The following CCDC68 variants were observed in gnomAD, a reference collection of about 807,000 sequenced individuals.
CCDC68 encodes the protein coiled-coil domain containing 68.
CCDC68 carries 45 observed loss-of-function variants against 47.1 expected under a neutral mutation model. That is an observed-to-expected ratio of 0.96 (90% CI 0.75 to 1.23). The LOEUF is 1.23. Ranked by LOEUF, CCDC68 falls within the 50% of genes most tolerant of loss-of-function variation. The pLI is 0.00. For missense variants in CCDC68, 353 were observed against 373.6 expected, an observed-to-expected ratio of 0.94 and a Z score of 0.45; for synonymous variants, 131 against 129.5, an observed-to-expected ratio of 1.01 and a Z score of -0.08.
intron 1 of CCDC68, among the ~76,000 whole-genome samples, chr18:54,954,080 T>C (rs1199292569): frequency 7.0e-6 from 1 of 143,538 alleles, no homozygotes; most frequent in Non-Finnish European, 1.5e-5. Context: ...GTTTCAGACA[T>C]AGTCTCACTC....
chr18:54,930,654 C>T (rs1599059589), intron 7 of CCDC68, among the ~76,000 whole-genome samples: 1 of 17,784 alleles, frequency 5.6e-5, no homozygotes, highest in Non-Finnish European at 1.4e-4. Context: ...TCCCTCCCTC[C>T]CTTCCTTCCT....
At chr18:54,915,821 C>T (rs1318801781) in intron 10 of CCDC68, among the ~76,000 whole-genome samples, 4 of 151,884 alleles carry the variant, frequency 2.6e-5, no homozygotes, top group South Asian at 2.1e-4. Flanking sequence ...CCCAGGTACT[C>T]GGGAGGCTGA....
intron 8 of CCDC68, among the ~76,000 whole-genome samples, chr18:54,924,107 T>C (rs1198565172): frequency 6.6e-6 from 1 of 152,196 alleles, no homozygotes; most frequent in Non-Finnish European, 1.5e-5. Context: ...ATGCTCTGCC[T>C]TCCAATGTCT....
intron 8 of CCDC68, among the ~76,000 whole-genome samples, chr18:54,925,096 T>G (rs2044123966): frequency 6.6e-6 from 1 of 152,122 alleles, no homozygotes; most frequent in African/African-American, 2.4e-5. Flanking sequence ...ACCTGATTGG[T>G]TTTAATCATG....
chr18:54,916,622 G>A (rs986714286), intron 10 of CCDC68, among the ~76,000 whole-genome samples: 1 of 152,128 alleles, frequency 6.6e-6, no homozygotes, highest in East Asian at 1.9e-4. Flanking sequence ...GACACGGCAA[G>A]AAATGGAATG....
At chr18:54,941,550 A>G (rs928652621) in intron 3 of CCDC68, among the ~76,000 whole-genome samples, 152 of 152,122 alleles carry the variant, frequency 1.0e-3, no homozygotes, top group African/African-American at 3.6e-3. Flanking sequence ...GATCACACAC[A>G]TTTATGAATG....
intron 7 of CCDC68, among the ~76,000 whole-genome samples, 167 bp downstream of exon 7, chr18:54,934,653 T>C (rs2044313738): frequency 1.3e-5 from 2 of 152,210 alleles, no homozygotes; most frequent in Non-Finnish European, 2.9e-5. Flanking sequence ...GAAATGTTTA[T>C]GGGAAAAATT....
chr18:54,931,034 A>T (rs1351063030), intron 7 of CCDC68, among the ~76,000 whole-genome samples: 1 of 151,952 alleles, frequency 6.6e-6, no homozygotes, highest in Non-Finnish European at 1.5e-5. Flanking sequence ...TACATCTTAC[A>T]AGCGTATGAT....
chr18:54,938,475 C>CTAATATTGTAA (rs2044386126), intron 4 of CCDC68, among the ~76,000 whole-genome samples: 3 of 152,132 alleles, frequency 2.0e-5, no homozygotes, highest in Admixed American at 6.5e-5. Context: ...TACTGTCAGA[C>CTAATATTGTAA]CTAATAGTTA....
At chr18:54,939,862 T>C (rs2044407536) in intron 4 of CCDC68, among the ~76,000 whole-genome samples, 1 of 152,004 alleles carries the variant, frequency 6.6e-6, no homozygotes, top group South Asian at 2.1e-4. Flanking sequence ...TCTGGCCTTG[T>C]AGAGATTTTG....
At chr18:54,958,954 G>C in intron 1 of CCDC68, among the ~76,000 whole-genome samples, 1 of 152,202 alleles carries the variant, frequency 6.6e-6, no homozygotes, top group East Asian at 1.9e-4. Context: ...GAGTTCCTAG[G>C]TCAGGGCGTT....
At chr18:54,904,805 A>AT (rs774103466) in intron 11 of CCDC68, among the ~76,000 whole-genome samples, 9 of 152,004 alleles carry the variant, frequency 5.9e-5, no homozygotes, top group Non-Finnish European at 1.2e-4. Context: ...GCCTGAATTT[A>AT]TTTCCTCACT....
intron 7 of CCDC68, among the ~76,000 whole-genome samples, chr18:54,932,332 A>G (rs1214041713): frequency 2.0e-5 from 3 of 151,680 alleles, no homozygotes; most frequent in Admixed American, 6.6e-5. Flanking sequence ...CTACAAGCAC[A>G]TGCTACCATG....
At position 54,936,969 on chromosome 18, in the gene CCDC68, G is replaced by A. The variant is rs755670401; in HGVS notation, c.346-11C>T. On this transcript the variant is annotated splice_polypyrimidine_tract_variant and intron_variant, in intron 5 of 11. Coordinates refer to ENST00000591504, the MANE Select transcript of CCDC68 (RefSeq NM_025214.3). Reference sequence around the variant, plus strand: ...TCTGGAGGCTTGCAGCTAGAAAAAAGGTCACTATGCATGTTCTGACATTTA... The same window carrying A: ...TCTGGAGGCTTGCAGCTAGAAAAAAAGTCACTATGCATGTTCTGACATTTA... 1.9e-6 allele frequency: 3 copies of A among 1,613,866 alleles called. No homozygotes were observed. The South Asian group carries it at 3.3e-5, about 18-fold the overall frequency.
rs1285667759 is a variant in CCDC68 at position 54,901,670 on chromosome 18, A to T, written c.*2688T>A. On this transcript the variant is annotated 3_prime_UTR_variant, in exon 12 of 12. Coordinates refer to ENST00000591504, the MANE Select transcript of CCDC68 (RefSeq NM_025214.3). ...ATGATAATTTGTAACAACATATGTA[A>T]TCAAGGTAGAACTAAGTTTCTTTTC... The T allele has an allele frequency of 6.6e-6, 1 of 152,220 alleles. No individual in the cohort carries two copies. The highest frequency in any genetic ancestry group is 1.9e-4 in the East Asian group (1 of 5,200). The allele number at this position is 152,220 out of a possible 1,614,324, so 9.4% of individuals were successfully genotyped here. A position where few individuals can be genotyped will look rare whatever the true frequency, so the allele number is the denominator to read the frequency against.
intron 1 of CCDC68, among the ~76,000 whole-genome samples, chr18:54,958,826 T>C (rs1279475934): frequency 6.6e-6 from 1 of 152,226 alleles, no homozygotes; most frequent in Non-Finnish European, 1.5e-5. Flanking sequence ...AATGGGCTGC[T>C]CTTTTTACTA....
intron 1 of CCDC68, among the ~76,000 whole-genome samples, chr18:54,952,994 CAG>C (rs1323867708): frequency 6.6e-6 from 1 of 151,180 alleles, no homozygotes; most frequent in Non-Finnish European, 1.5e-5. Context: ...GCCTGGGTGA[CAG>C]AGTGAGACTC....
At chr18:54,921,427 A>C (rs1321233564) in intron 8 of CCDC68, among the ~76,000 whole-genome samples, 1 of 152,258 alleles carries the variant, frequency 6.6e-6, no homozygotes, top group Non-Finnish European at 1.5e-5. Flanking sequence ...AGAAGTTTAC[A>C]ATTTACAATT....
intron 9 of CCDC68, 124 bp from the exon 10 acceptor site, chr18:54,918,120 C>T: frequency 1.7e-6 from 1 of 588,290 alleles, no homozygotes; most frequent in Non-Finnish European, 3.0e-6. Flanking sequence ...AAAATTAAAT[C>T]CCAAAGCATT....
Sources: gnomAD v4.1 joint callset for allele counts (sites outside exome capture counted in the v4.1 genomes callset) on GRCh38, gnomAD v4.1.1 for gene constraint, MANE v1.5 for transcripts, NCBI Gene and HGNC (gene_info 2026-07-23, HGNC 2026-07-21) for gene names.